ASAP1: variants seen among roughly 807,000 people sequenced by gnomAD.
ASAP1 encodes ArfGAP with SH3 domain, ankyrin repeat and PH domain 1.
ASAP1 carries 43 observed loss-of-function variants against 145.2 expected under a neutral mutation model. That is an observed-to-expected ratio of 0.30 (90% CI 0.23 to 0.38). ASAP1 has a LOEUF of 0.38. Ranked by LOEUF, ASAP1 falls within the 10% of genes least tolerant of loss-of-function variation. The pLI is 1.00. For missense variants in ASAP1, 1,018 were observed against 1,355.3 expected (o/e 0.75, Z 3.91); for synonymous variants, 546 against 515.5 (o/e 1.06, Z -0.80).
At chr8:130,074,642 G>T (rs74533138) in intron 27 of ASAP1, among the ~76,000 whole-genome samples, 1 of 152,166 alleles carries the variant, frequency 6.6e-6, no homozygotes, top group Non-Finnish European at 1.5e-5. Flanking sequence ...CCCCGAGGGG[G>T]TGGGAGGGTA....
At chr8:130,434,712 G>A (rs1290730561) in intron 1 of ASAP1, among the ~76,000 whole-genome samples, 1 of 152,084 alleles carries the variant, frequency 6.6e-6, no homozygotes, top group Non-Finnish European at 1.5e-5. Flanking sequence ...AGAACAGTGG[G>A]TCAAAGATCA....
chr8:130,119,499 C>T (rs2097562095), intron 18 of ASAP1, among the ~76,000 whole-genome samples: 1 of 152,176 alleles, frequency 6.6e-6, no homozygotes, highest in African/African-American at 2.4e-5. Context: ...GCTCACCTCC[C>T]AGCCACAGGG....
chr8:130,156,599 A>C (rs1001427266), intron 12 of ASAP1, among the ~76,000 whole-genome samples: 1 of 152,250 alleles, frequency 6.6e-6, no homozygotes, highest in African/African-American at 2.4e-5. Flanking sequence ...GTGCCAGTTT[A>C]TGCCTTGCAT....
chr8:130,218,066 A>G (rs965215193), intron 4 of ASAP1, among the ~76,000 whole-genome samples: 1 of 152,152 alleles, frequency 6.6e-6, no homozygotes, highest in Non-Finnish European at 1.5e-5. Context: ...GGAGCGGCTC[A>G]GAAAAACAGA....
intron 27 of ASAP1, among the ~76,000 whole-genome samples, chr8:130,072,407 C>A (rs2097448650): frequency 6.6e-6 from 1 of 152,092 alleles, no homozygotes; most frequent in African/African-American, 2.4e-5. Flanking sequence ...TAAGGGGTTT[C>A]CCCTTTTGCT....
chr8:130,427,430 C>T (rs541165037), intron 1 of ASAP1, among the ~76,000 whole-genome samples: 2 of 152,312 alleles, frequency 1.3e-5, no homozygotes, highest in East Asian at 3.9e-4. Context: ...CCAATAAGCC[C>T]TTGCCGAGAA....
At chr8:130,410,741 C>A (rs972333741) in intron 1 of ASAP1, among the ~76,000 whole-genome samples, 4 of 152,234 alleles carry the variant, frequency 2.6e-5, no homozygotes, top group African/African-American at 9.6e-5. Context: ...GGGGGAATTT[C>A]CCAAGCACAG....
chr8:130,187,411 C>A (rs982287189), intron 6 of ASAP1, 126 bp from the exon 7 acceptor site: 73 of 737,792 alleles, frequency 9.9e-5, no homozygotes, highest in Non-Finnish European at 1.5e-4. Flanking sequence ...ACTTTATGCA[C>A]GTTACACCAT....
At chr8:130,128,205 C>A (rs2097578156) in intron 15 of ASAP1, 115 bp from the exon 16 acceptor site, 2 of 682,426 alleles carry the variant, frequency 2.9e-6, no homozygotes, top group African/African-American at 2.4e-5. Context: ...TCAAGTAATT[C>A]CAAAAGAGAA....
chr8:130,412,468 A>C (rs1829307780), intron 1 of ASAP1, among the ~76,000 whole-genome samples: 1 of 151,534 alleles, frequency 6.6e-6, no homozygotes, highest in African/African-American at 2.4e-5. Context: ...CCATGATTTT[A>C]AGTTTTTTGA....
At chr8:130,316,272 C>G (rs1823656793) in intron 3 of ASAP1, among the ~76,000 whole-genome samples, 1 of 152,216 alleles carries the variant, frequency 6.6e-6, no homozygotes, top group Admixed American at 6.5e-5. Flanking sequence ...AATCACAATT[C>G]TTTCTACTGC....
chr8:130,325,873 A>G (rs1333631209), intron 3 of ASAP1, among the ~76,000 whole-genome samples: 4 of 152,234 alleles, frequency 2.6e-5, no homozygotes, highest in African/African-American at 9.6e-5. Flanking sequence ...AGTAACAGTA[A>G]TCACAAGCTT....
Position 130,127,921 on chromosome 8 carries a change from A to C in ASAP1, c.1381+6T>G, listed in dbSNP as rs773412090. ...TAAAAGCTCGTTCAAATATGGGGAC[A>C]AAAACCTGATGAGCCACAATCGCAG... On this transcript the variant is annotated splice_donor_region_variant and intron_variant, in intron 16 of 29. Transcript: ENST00000518721. 1.2e-6 allele frequency: 2 copies of C among 1,611,078 alleles called. No individual in the cohort carries two copies. Among genetic ancestry groups the C allele is most frequent in the Non-Finnish European group, 8.5e-7 (1 of 1,179,162 alleles).
At chr8:130,081,838 C>T (rs1433532221) in intron 25 of ASAP1, among the ~76,000 whole-genome samples, 1 of 152,216 alleles carries the variant, frequency 6.6e-6, no homozygotes, top group Non-Finnish European at 1.5e-5. Context: ...ACATTATTAA[C>T]AGCAACGACC....
At chr8:130,317,655 T>A (rs1823747835) in intron 3 of ASAP1, among the ~76,000 whole-genome samples, 2 of 152,204 alleles carry the variant, frequency 1.3e-5, no homozygotes, top group African/African-American at 4.8e-5. Flanking sequence ...TTAGTGCACT[T>A]AACCTGGAAA....
intron 13 of ASAP1, 159 bp downstream of exon 13, chr8:130,152,577 G>A (rs922112664): frequency 2.0e-6 from 1 of 502,402 alleles, no homozygotes; most frequent in Non-Finnish European, 3.5e-6. Flanking sequence ...GACTACCACA[G>A]GACAAGATAA....
At chr8:130,238,127 T>C (rs772397357) in intron 3 of ASAP1, among the ~76,000 whole-genome samples, 1 of 151,926 alleles carries the variant, frequency 6.6e-6, no homozygotes, top group Non-Finnish European at 1.5e-5. Flanking sequence ...TTATGGAAAA[T>C]GGTCTTTCCT....
intron 5 of ASAP1, among the ~76,000 whole-genome samples, chr8:130,202,731 G>C (rs963234902): frequency 4.3e-4 from 66 of 152,178 alleles, no homozygotes; most frequent in Non-Finnish European, 5.9e-5. Context: ...GTGAATGAAT[G>C]AATCTGCCTC....
At chr8:130,081,889 T>A (rs1255887589) in intron 25 of ASAP1, among the ~76,000 whole-genome samples, 1 of 152,214 alleles carries the variant, frequency 6.6e-6, no homozygotes, top group Non-Finnish European at 1.5e-5. Context: ...CTGTGCTACA[T>A]ACTCATAGTA....
Sources: allele counts gnomAD v4.1 joint callset (sites outside exome capture counted in the v4.1 genomes callset), GRCh38; gene constraint gnomAD v4.1.1; transcripts MANE v1.5; gene names NCBI Gene and HGNC (gene_info 2026-07-23, HGNC 2026-07-21).